Variants in DTNA observed in about 807,000 individuals in gnomAD.
DTNA encodes dystrophin-related protein 3.
A neutral mutation model predicts 100.7 loss-of-function variants in DTNA; 43 were observed. The observed-to-expected ratio is 0.43, with a 90% CI of 0.33 to 0.55. The LOEUF (loss-of-function observed/expected upper bound fraction) is 0.55, where lower values mean the gene tolerates loss of function less well. DTNA is among the 20% of genes least tolerant of loss of function. DTNA has a pLI of 0.04. For missense variants in DTNA, 798 were observed against 953.9 expected (o/e 0.84, Z 2.15); for synonymous variants, 349 against 347.9 (o/e 1.00, Z -0.04).
chr18:34,533,289 T>A (rs1413177110), intron 1 of DTNA, among the ~76,000 whole-genome samples: 1 of 151,552 alleles, frequency 6.6e-6, no homozygotes, highest in Non-Finnish European at 1.5e-5. Context: ...GGAGAAACAC[T>A]TGAACCCGGG....
At chr18:34,719,190 A>T (rs556505921) in intron 1 of DTNA, among the ~76,000 whole-genome samples, 1 of 151,766 alleles carries the variant, frequency 6.6e-6, no homozygotes, top group Non-Finnish European at 1.5e-5. Context: ...ACAAAACAAA[A>T]ACTAGCCAGG....
chr18:34,541,478 GA>G (rs1376333959), intron 1 of DTNA, among the ~76,000 whole-genome samples: 22 of 152,132 alleles, frequency 1.4e-4, no homozygotes, highest in African/African-American at 5.3e-4. Flanking sequence ...TAAGTCTCAT[GA>G]GGTGTGATGG....
chr18:34,523,315 TGCTG>T (rs2042315124), intron 1 of DTNA, among the ~76,000 whole-genome samples: 2 of 152,216 alleles, frequency 1.3e-5, no homozygotes, highest in African/African-American at 4.8e-5. Flanking sequence ...TCCTGCTAAC[TGCTG>T]AAGGTGACTA....
At chr18:34,815,875 C>G (rs773715235) in intron 6 of DTNA, 34 bp from the exon 7 acceptor site, 61 of 1,562,156 alleles carry the variant, frequency 3.9e-5, no homozygotes, top group Non-Finnish European at 4.6e-5. Flanking sequence ...AGATGATTCT[C>G]TGTCCTAAAT....
At chr18:34,553,230 T>G (rs976810290) in intron 1 of DTNA, among the ~76,000 whole-genome samples, 137 of 151,800 alleles carry the variant, frequency 9.0e-4, no homozygotes, top group African/African-American at 2.8e-3. Flanking sequence ...GGGTTGTTTG[T>G]TTTTTTTCTT....
At chr18:34,839,807 A>G (rs1288078262) in intron 13 of DTNA, among the ~76,000 whole-genome samples, 4 of 152,174 alleles carry the variant, frequency 2.6e-5, no homozygotes, top group Non-Finnish European at 5.9e-5. Flanking sequence ...TTCCTCTACT[A>G]TTAGAGGAAA....
chr18:34,835,025 TCAA>T (rs756610830), intron 11 of DTNA, among the ~76,000 whole-genome samples: 2 of 152,346 alleles, frequency 1.3e-5, no homozygotes, highest in South Asian at 4.1e-4. Context: ...TGTCTCCCAG[TCAA>T]CTCTCGAGGT....
chr18:34,857,239 G>A (rs192885627), intron 15 of DTNA, among the ~76,000 whole-genome samples: 2 of 152,190 alleles, frequency 1.3e-5, no homozygotes, highest in African/African-American at 2.4e-5. Context: ...CCACACCCAC[G>A]AAATGTATAA....
intron 20 of DTNA, 29 bp downstream of exon 20, chr18:34,879,748 C>G (rs770292005): frequency 2.5e-6 from 4 of 1,613,208 alleles, no homozygotes; most frequent in Non-Finnish European, 2.5e-6. Flanking sequence ...GAAGCATTTT[C>G]TCAGTAACAA....
intron 1 of DTNA, among the ~76,000 whole-genome samples, chr18:34,726,903 C>T (rs539053310): frequency 6.6e-6 from 1 of 152,362 alleles, no homozygotes; most frequent in East Asian, 1.9e-4. Context: ...CTTAGCACTG[C>T]CCTAGGAAAG....
At chr18:34,659,838 C>T (rs371978586) in intron 1 of DTNA, among the ~76,000 whole-genome samples, 1 of 152,194 alleles carries the variant, frequency 6.6e-6, no homozygotes, top group East Asian at 1.9e-4. Flanking sequence ...TGAATGGCCC[C>T]GCTGCCAGTG....
chr18:34,682,833 A>T (rs576648164), intron 1 of DTNA, among the ~76,000 whole-genome samples: 8 of 152,086 alleles, frequency 5.3e-5, no homozygotes, highest in African/African-American at 1.4e-4. Context: ...TTGTTTTTTT[A>T]AAAACTGAAA....
intron 1 of DTNA, among the ~76,000 whole-genome samples, chr18:34,515,398 A>C (rs773774925): frequency 2.0e-5 from 3 of 152,078 alleles, no homozygotes; most frequent in Non-Finnish European, 2.9e-5. Flanking sequence ...ATACTATTAC[A>C]ATGCAAAAGG....
At chr18:34,781,962 G>A (rs936833845) in intron 3 of DTNA, among the ~76,000 whole-genome samples, 1 of 152,190 alleles carries the variant, frequency 6.6e-6, no homozygotes, top group Non-Finnish European at 1.5e-5. Context: ...AGCCCTATCG[G>A]TGCTCTTTCA....
rs572595932 is a variant in DTNA at position 34,852,986 on chromosome 18, C to T, written c.1532+1058C>T. ...GTCTTCCTGGACTGAAACGGAAGTT[C>T]TTTGAGAACAGAGGCCATGGCTAAA... On this transcript the variant is annotated intron_variant, in intron 15 of 22. Transcript: ENST00000444659. Among the ~76,000 whole-genome samples the T allele has an allele frequency of 3.9e-5, 6 of 152,216 alleles. No homozygotes were observed. The East Asian group carries it at 1.2e-3, about 29-fold the overall frequency.
intron 1 of DTNA, among the ~76,000 whole-genome samples, chr18:34,634,936 C>T (rs1209829635): frequency 6.6e-6 from 1 of 152,120 alleles, no homozygotes; most frequent in Non-Finnish European, 1.5e-5. Context: ...ATCATCAGTG[C>T]AAATGGTAAC....
rs542051743 is a variant in DTNA at position 34,810,026 on chromosome 18, C to T, written c.449-1933C>T. On this transcript the variant is annotated intron_variant, in intron 5 of 22. Coordinates refer to ENST00000444659, the MANE Select transcript of DTNA (RefSeq NM_001386795.1). ...AGATTGTTCTTGGCCCAATTATAAG[C>T]TGTTTTAATGGGTTGGAACATTTGT... Among the ~76,000 whole-genome samples the T allele has an allele frequency of 2.2e-4, 33 of 152,216 alleles. No individual in the cohort carries two copies. The East Asian group carries it at 3.1e-3, about 14-fold the overall frequency.
At chr18:34,792,179 A>T (rs2094776758) in intron 3 of DTNA, among the ~76,000 whole-genome samples, 1 of 151,946 alleles carries the variant, frequency 6.6e-6, no homozygotes, top group African/African-American at 2.4e-5. Context: ...TGAGAACCAT[A>T]CTTTAGGTTT....
chr18:34,666,220 C>A (rs980422716), intron 1 of DTNA, among the ~76,000 whole-genome samples: 51 of 151,554 alleles, frequency 3.4e-4, no homozygotes, highest in African/African-American at 1.2e-3. Context: ...TAAATGTCTT[C>A]TTTTGAGAAG....
Sources: allele counts gnomAD v4.1 joint callset (sites outside exome capture counted in the v4.1 genomes callset), GRCh38; gene constraint gnomAD v4.1.1; transcripts MANE v1.5; gene names NCBI Gene and HGNC (gene_info 2026-07-23, HGNC 2026-07-21).